The following PRKCQ variants were observed in gnomAD, a reference collection of about 807,000 sequenced individuals.
The protein encoded by PRKCQ is protein kinase C theta type.
Under a neutral mutation model 91.2 loss-of-function variants are expected in PRKCQ, and 41 were observed. That is an observed-to-expected ratio of 0.45 (90% confidence interval 0.35 to 0.58). The LOEUF (loss-of-function observed/expected upper bound fraction) is 0.58. PRKCQ is among the 20% of genes least tolerant of loss of function. The pLI, the probability that PRKCQ is intolerant of heterozygous loss-of-function variation, is 0.00. For synonymous variants in PRKCQ, 307 were observed against 316.9 expected, an observed-to-expected ratio of 0.97 and a Z score of 0.33; for missense variants, 673 against 896.5, an observed-to-expected ratio of 0.75 and a Z score of 3.18.
chr10:6,404,565 CCTTCTTTCTCTTTCTTT>C, the PRKCQ span, among the ~76,000 whole-genome samples: 6 of 84,760 alleles, frequency 7.1e-5, no homozygotes, highest in Non-Finnish European at 1.8e-4. Flanking sequence ...ATCCTTTCTT[CCTTCTTTCTCTTTCTTT>C]CTTTCTTTTT....
chr10:6,535,698 G>C (rs958401295), intron 1 of PRKCQ, among the ~76,000 whole-genome samples: 3 of 152,022 alleles, frequency 2.0e-5, no homozygotes, highest in Non-Finnish European at 4.4e-5. Flanking sequence ...AAAACAGCCC[G>C]TGTCCACCTC....
At chr10:6,508,456 A>T (rs994824583) in intron 3 of PRKCQ, among the ~76,000 whole-genome samples, 1 of 152,256 alleles carries the variant, frequency 6.6e-6, no homozygotes, top group Non-Finnish European at 1.5e-5. Flanking sequence ...GCAAGTCACT[A>T]AGTCTTGGGA....
At chr10:6,456,607 G>A in intron 15 of PRKCQ, 67 bp downstream of exon 15, 4 of 1,569,204 alleles carry the variant, frequency 2.5e-6, no homozygotes, top group South Asian at 1.2e-5. Flanking sequence ...ATTTTCAGGG[G>A]CTAAAGAAGC....
At chr10:6,395,434 T>G in the PRKCQ span, among the ~76,000 whole-genome samples, 1 of 151,992 alleles carries the variant, frequency 6.6e-6, no homozygotes, top group Admixed American at 6.6e-5. Flanking sequence ...AAGAATAATT[T>G]GGTAAATGGG....
Position 6,431,968 on chromosome 10 carries a change from A to AACTT in PRKCQ, c.1837-1034_1837-1031dup, listed in dbSNP as rs375351908. Among the ~76,000 whole-genome samples the AACTT allele has an allele frequency of 3.1e-3, 474 of 152,338 alleles. 4 individuals are homozygous for AACTT. The highest frequency in any genetic ancestry group is 0.011 in the African/African-American group (454 of 41,578). Reference sequence around the variant, plus strand: ...AGGAAAGAAACTTGGATATTTTTCAAACTTAAATAAAACCTGTCAAGGGCA... The same window carrying AACTT: ...AGGAAAGAAACTTGGATATTTTTCAAACTTACTTAAATAAAACCTGTCAAGGGCA... On this transcript the variant is annotated intron_variant, in intron 16 of 17. Coordinates refer to ENST00000263125, the MANE Select transcript of PRKCQ (RefSeq NM_006257.5).
intron 1 of PRKCQ, among the ~76,000 whole-genome samples, chr10:6,520,262 T>A (rs2130879455): frequency 6.6e-6 from 1 of 152,326 alleles, no homozygotes. Context: ...AGCTCGGTGC[T>A]GGGTGCCGCG....
rs904026234 is a variant in PRKCQ at position 6,497,764 on chromosome 10, G to A, written c.543-513C>T. 1.3e-5 allele frequency among the ~76,000 whole-genome samples: 2 copies of A among 152,178 alleles called. No homozygotes were observed. Among genetic ancestry groups the A allele is most frequent in the South Asian group, 2.1e-4 (1 of 4,828 alleles). On this transcript the variant is annotated intron_variant, in intron 5 of 17. Transcript: ENST00000263125. The surrounding 1 kb of genome is among the most constrained non-coding windows in gnomAD (Gnocchi z 4.5). ...GACGAAAGCAGGCTGATGAAAACCC[G>A]CCAAGTCGATCTGGCATGTGGATAC...
intron 1 of PRKCQ, among the ~76,000 whole-genome samples, chr10:6,522,671 A>G: frequency 6.6e-6 from 1 of 152,398 alleles, no homozygotes; most frequent in Middle Eastern, 3.4e-3. Context: ...AAATGTTTGG[A>G]CAGCATTTGT....
intron 16 of PRKCQ, among the ~76,000 whole-genome samples, chr10:6,437,262 A>T (rs1385313089): frequency 6.6e-6 from 1 of 152,172 alleles, no homozygotes; most frequent in Non-Finnish European, 1.5e-5. Flanking sequence ...GGGTTAAATG[A>T]GGTCATGGGG....
chr10:6,568,900 A>G (rs758514335), intron 1 of PRKCQ, among the ~76,000 whole-genome samples: 9 of 152,118 alleles, frequency 5.9e-5, no homozygotes, highest in Non-Finnish European at 1.2e-4. Context: ...GGGGAGATGG[A>G]GTCTTTGCAG....
chr10:6,518,124 G>A (rs1413205174), intron 1 of PRKCQ, among the ~76,000 whole-genome samples: 4 of 152,164 alleles, frequency 2.6e-5, no homozygotes, highest in African/African-American at 9.7e-5. Flanking sequence ...AGTGGTCACA[G>A]AAGTCTAGAC....
chr10:6,526,472 G>A (rs1244699046), intron 1 of PRKCQ, among the ~76,000 whole-genome samples: 1 of 152,168 alleles, frequency 6.6e-6, no homozygotes, highest in Non-Finnish European at 1.5e-5. Context: ...AGAGGAGGGA[G>A]GTGGGGAGTG....
At chr10:6,457,277 C>A (rs1835061949) in intron 14 of PRKCQ, among the ~76,000 whole-genome samples, 1 of 152,206 alleles carries the variant, frequency 6.6e-6, no homozygotes. Flanking sequence ...GTCATGCCAA[C>A]AAACTTCTGT....
rs1227070786 is a variant in PRKCQ at position 6,427,229 on chromosome 10, C to T, written c.*978G>A. The T allele has an allele frequency of 6.6e-6, 1 of 151,924 alleles. No individual in the cohort carries two copies. Among genetic ancestry groups the T allele is most frequent in the Admixed American group, 6.6e-5 (1 of 15,252 alleles). 9.4% of individuals were successfully genotyped at this position (151,924 alleles called of 1,614,324 possible). A position where few individuals can be genotyped will look rare whatever the true frequency, so the allele number is the denominator to read the frequency against. On this transcript the variant is annotated 3_prime_UTR_variant, in exon 18 of 18. Transcript: ENST00000263125. The stretch of plus-strand genomic sequence containing the variant: ...ATTTTATCAAAATATACACACAGCA[C>T]AAATACCTTTAAAATGTATGGTTGG...
At chr10:6,399,470 G>A in the PRKCQ span, among the ~76,000 whole-genome samples, 1 of 152,098 alleles carries the variant, frequency 6.6e-6, no homozygotes, top group Non-Finnish European at 1.5e-5. Flanking sequence ...CCTGGAGACA[G>A]AAATTGCCCC....
At chr10:6,522,907 G>A (rs894536461) in intron 1 of PRKCQ, among the ~76,000 whole-genome samples, 3 of 152,114 alleles carry the variant, frequency 2.0e-5, no homozygotes, top group African/African-American at 7.2e-5. Flanking sequence ...GGCAAATTAA[G>A]CTACACCAAT....
chr10:6,487,637 G>C (rs1056521637), intron 8 of PRKCQ, among the ~76,000 whole-genome samples: 5 of 152,172 alleles, frequency 3.3e-5, no homozygotes, highest in Admixed American at 1.3e-4. Flanking sequence ...GGACTGGAGA[G>C]CGTGTGCCCA....
chr10:6,428,509 A>G (rs928922747), intron 17 of PRKCQ, 147 bp from the exon 18 acceptor site: 2 of 776,236 alleles, frequency 2.6e-6, no homozygotes, highest in Non-Finnish European at 4.2e-6. Flanking sequence ...CCTACAGATG[A>G]CCATGCCCAG....
chr10:6,486,100 T>C lies in PRKCQ; in HGVS notation c.835A>G (p.Asn279Asp). ...VHHRCQTKVA[N>D]LCGINQKLMA... ...AGCTTCTGGTTTATGCCACAAAGGT[T>C]GGCCACCTTTGTCTGGCATCTATGA... Residue 279 changes from asparagine to aspartate, a missense_variant, in exon 9 of 18, where the codon AAC (asparagine) becomes GAC (aspartate). Transcript: ENST00000263125. 6.2e-7 allele frequency: 1 copy of C among 1,614,190 alleles called. No homozygotes were observed. Among genetic ancestry groups the C allele is most frequent in the Non-Finnish European group, 8.5e-7 (1 of 1,180,036 alleles).
Sources: allele counts gnomAD v4.1 joint callset (sites outside exome capture counted in the v4.1 genomes callset), GRCh38; gene constraint gnomAD v4.1.1; non-coding constraint Gnocchi (gnomAD v3.1); transcripts MANE v1.5; gene names NCBI Gene and HGNC (gene_info 2026-07-23, HGNC 2026-07-21).